The following OPRM1 variants were observed in gnomAD, a reference collection of about 807,000 sequenced individuals.
OPRM1 encodes mu-type opioid receptor.
OPRM1 carries 27 observed loss-of-function variants against 31.8 expected under a neutral mutation model. The ratio of observed to expected loss-of-function variants is 0.85; its 90% CI spans 0.63 to 1.17. The LOEUF (loss-of-function observed/expected upper bound fraction) is 1.17. OPRM1 is among the 50% of genes most tolerant of loss of function. The pLI is 0.00. For missense variants in OPRM1, 536 were observed against 511.1 expected, an observed-to-expected ratio of 1.05 and a Z score of -0.47; for synonymous variants, 196 against 189.9, an observed-to-expected ratio of 1.03 and a Z score of -0.26.
intron 1 of OPRM1, among the ~76,000 whole-genome samples, chr6:154,068,861 C>A (rs1786035034): frequency 6.6e-6 from 1 of 152,188 alleles, no homozygotes. Context: ...TCCATCCTTG[C>A]CACCACTTAC....
intron 3 of OPRM1, among the ~76,000 whole-genome samples, chr6:154,141,246 A>G (rs1798200075): frequency 6.6e-6 from 1 of 152,376 alleles, no homozygotes; most frequent in East Asian, 1.9e-4. Context: ...TGTTAATGTT[A>G]TAAATCACCC....
rs1352119460 is a variant in OPRM1, at chr6:154,075,942, A to C, written c.291-13884A>C. 2.0e-5 allele frequency among the ~76,000 whole-genome samples: 3 copies of C among 152,166 alleles called. No individual in the cohort carries two copies. The East Asian group carries it at 5.8e-4, about 29-fold the overall frequency. On this transcript the variant is annotated intron_variant, in intron 1 of 3. Transcript: ENST00000330432. ...GGATGATGAAATGCCTACCCCATCA[A>C]CTTTATGAATTACTTAGTGCAATAC...
intron 3 of OPRM1, chr6:154,093,255 C>G: frequency 6.2e-7 from 1 of 1,603,468 alleles, no homozygotes; most frequent in Non-Finnish European, 8.5e-7. Flanking sequence ...AAAGTACTGA[C>G]TCTTTCTCCT....
chr6:154,060,227 A>G (rs988937407), intron 1 of OPRM1, among the ~76,000 whole-genome samples: 4 of 152,182 alleles, frequency 2.6e-5, no homozygotes, highest in Non-Finnish European at 5.9e-5. Context: ...TTGCATCCCT[A>G]CCCTAGCGAC....
intron 3 of OPRM1, among the ~76,000 whole-genome samples, chr6:154,139,940 G>C (rs1180676871): frequency 6.6e-6 from 1 of 152,072 alleles, no homozygotes; most frequent in African/African-American, 2.4e-5. Context: ...ATCTCTTGGG[G>C]GGAACAAAAA....
intron 3 of OPRM1, among the ~76,000 whole-genome samples, chr6:154,232,338 T>A (rs1317563210): frequency 6.6e-6 from 1 of 152,184 alleles, no homozygotes; most frequent in Admixed American, 6.5e-5. Flanking sequence ...TTGGAATCCT[T>A]TTAAGAAATA....
At chr6:154,166,861 C>T (rs780627218) in intron 3 of OPRM1, among the ~76,000 whole-genome samples, 19 of 152,106 alleles carry the variant, frequency 1.2e-4, no homozygotes, top group Non-Finnish European at 1.6e-4. Context: ...TGTGAAATGG[C>T]GGCCAGTGAT....
At chr6:154,135,778 C>T (rs143885460), downstream of OPRM1, among the ~76,000 whole-genome samples, 53 of 152,318 alleles carry the variant, frequency 3.5e-4, no homozygotes, top group African/African-American at 1.3e-3. Context: ...GTAGGCACCA[C>T]TCGACATTTT....
At chr6:154,110,886 CAAAAAAAA>C (rs374739553) in intron 3 of OPRM1, among the ~76,000 whole-genome samples, 4 of 63,610 alleles carry the variant, frequency 6.3e-5, no homozygotes, top group Non-Finnish European at 9.0e-5. Context: ...GACTCCGTCT[CAAAAAAAA>C]AAAAAAAAAA....
At chr6:154,163,939 G>A (rs1799224269) in intron 3 of OPRM1, among the ~76,000 whole-genome samples, 1 of 152,074 alleles carries the variant, frequency 6.6e-6, no homozygotes, top group African/African-American at 2.4e-5. Flanking sequence ...GAAAGCAGAG[G>A]GATTGTTTAT....
chr6:154,096,529 A>G (rs1251859395), intron 3 of OPRM1, among the ~76,000 whole-genome samples: 1 of 152,026 alleles, frequency 6.6e-6, no homozygotes, highest in Non-Finnish European at 1.5e-5. Flanking sequence ...AACCGCAATT[A>G]TTTTTGCACC....
intron 3 of OPRM1, among the ~76,000 whole-genome samples, chr6:154,202,338 C>G (rs1399788987): frequency 6.6e-6 from 1 of 152,002 alleles, no homozygotes; most frequent in Non-Finnish European, 1.5e-5. Flanking sequence ...AGATCAAAGA[C>G]CTATAATTTC....
At chr6:154,020,129 C>T (rs185142530) in intron 1 of OPRM1, among the ~76,000 whole-genome samples, 3 of 152,134 alleles carry the variant, frequency 2.0e-5, no homozygotes, top group Admixed American at 2.0e-4. Flanking sequence ...TAGTTGCTTC[C>T]AATTTTGACA....
chr6:154,152,223 C>T lies in OPRM1; in HGVS notation c.1164+60751C>T, dbSNP rs184688095. On this transcript the variant is annotated intron_variant, in intron 3 of 3. Transcript: ENST00000337049. ...AGAGAAAGAAAGAAGGAAGAAAGAA[C>T]GAAAAAGAAAGAGAAAAGAAAAAGA... Among the ~76,000 whole-genome samples, 551 of 67,438 alleles carry T rather than the reference C, an allele frequency of 8.2e-3. 8 individuals carry two copies. The highest frequency in any genetic ancestry group is 0.024 in the African/African-American group (473 of 19,760). The allele number at this position is 67,438 out of a possible 152,430, so 44.2% of individuals were successfully genotyped here.
chr6:154,040,671 A>G (rs1779872358), intron 1 of OPRM1, among the ~76,000 whole-genome samples: 1 of 152,190 alleles, frequency 6.6e-6, no homozygotes. Flanking sequence ...AAGCATCATA[A>G]TTCCACATTA....
chr6:154,126,844 G>A lies in OPRM1; in HGVS notation c.*8123G>A, dbSNP rs778488520. Among the ~76,000 whole-genome samples the A allele has an allele frequency of 2.5e-4, 38 of 152,156 alleles. No homozygotes were observed. The highest frequency in any genetic ancestry group is 5.0e-4 in the Non-Finnish European group (34 of 68,038). On this transcript the variant is annotated 3_prime_UTR_variant, in exon 4 of 4. Coordinates refer to ENST00000330432, the MANE Select transcript of OPRM1 (RefSeq NM_000914.5). ...AAAAAAGTGCCTGCTGGGCGCGGTG[G>A]CTCACGCCTGTAATTCCAGCACTTT...
At chr6:154,077,202 A>G (rs1788049784) in intron 1 of OPRM1, among the ~76,000 whole-genome samples, 1 of 152,058 alleles carries the variant, frequency 6.6e-6, no homozygotes, top group Admixed American at 6.6e-5. Flanking sequence ...TGCTTCTTCA[A>G]GTTTCCATTG....
At chr6:154,033,254 C>A (rs1779109370) in intron 1 of OPRM1, among the ~76,000 whole-genome samples, 1 of 151,872 alleles carries the variant, frequency 6.6e-6, no homozygotes, top group African/African-American at 2.4e-5. Flanking sequence ...TCCCTAAAGT[C>A]CTTGGAAATA....
chr6:154,074,974 G>A (rs1787557805), intron 1 of OPRM1, among the ~76,000 whole-genome samples: 1 of 151,966 alleles, frequency 6.6e-6, no homozygotes, highest in South Asian at 2.1e-4. Context: ...CTAAAGAAAG[G>A]GATGAGACTG....
Sources: allele counts gnomAD v4.1 joint callset (sites outside exome capture counted in the v4.1 genomes callset), GRCh38; gene constraint gnomAD v4.1.1; transcripts MANE v1.5; gene names NCBI Gene and HGNC (gene_info 2026-07-23, HGNC 2026-07-21).